CDH23: variants seen among roughly 807,000 people sequenced by gnomAD.
CDH23 encodes the protein cadherin-23.
A neutral mutation model predicts 317.1 loss-of-function variants in CDH23; 189 were observed. The ratio of observed to expected loss-of-function variants is 0.60; its 90% CI spans 0.53 to 0.67. The LOEUF is 0.67. CDH23 is among the 30% of genes least tolerant of loss of function. CDH23 has a pLI of 0.00. For synonymous variants in CDH23, 1,839 were observed against 1,876.8 expected, an observed-to-expected ratio of 0.98 and a Z score of 0.52; for missense variants, 4,401 against 4,592.4, an observed-to-expected ratio of 0.96 and a Z score of 1.20.
Position 71,677,682 on chromosome 10 carries a change from G to A in CDH23, c.1741G>A (p.Val581Met), listed in dbSNP as rs1289490678. ...GAACGAGCCTTCTGTCACACAGCTG[G>A]TGCGGCTCCGGGTAAGGTGCCAGGG... ...RENEPSVTQLVRLRATDEDSP... is the reference protein window; with the variant it reads ...RENEPSVTQLMRLRATDEDSP... The change falls in exon 16 of 70, where the codon GTG becomes ATG. Residue 581 changes from valine to methionine, a missense_variant. Physicochemically the swap from Val to Met is conservative, Grantham distance 21. Coordinates refer to ENST00000224721, the MANE Select transcript of CDH23 (RefSeq NM_022124.6). 1.3e-6 allele frequency: 2 copies of A among 1,560,220 alleles called. No homozygotes were observed. Among genetic ancestry groups the A allele is most frequent in the Non-Finnish European group, 1.7e-6 (2 of 1,152,222 alleles).
chr10:71,810,917 CTA>C (rs1390731930), intron 62 of CDH23, among the ~76,000 whole-genome samples: 1 of 151,954 alleles, frequency 6.6e-6, no homozygotes, highest in Non-Finnish European at 1.5e-5. Context: ...CTCGTCTCTA[CTA>C]AAAATACAAA....
intron 18 of CDH23, among the ~76,000 whole-genome samples, chr10:71,685,706 G>A (rs1402788728): frequency 2.6e-5 from 4 of 152,196 alleles, no homozygotes; most frequent in African/African-American, 4.8e-5. Context: ...TGGGGCAGCC[G>A]GAGAGTCTGG....
Position 71,485,895 on chromosome 10 carries a change from C to T in CDH23, c.146-24187C>T, listed in dbSNP as rs115925789. ...CTGAGATGCTCATGCCCAGCTGGCA[C>T]TTGAGAAGCCACAGAGAAGTCTGAC... On this transcript the variant is annotated intron_variant, in intron 3 of 69. Transcript: ENST00000224721. Among the ~76,000 whole-genome samples the T allele has an allele frequency of 3.4e-3, 515 of 152,354 alleles. 2 individuals carry two copies. Among genetic ancestry groups the T allele is most frequent in the South Asian group, 0.015 (74 of 4,830 alleles).
Position 71,810,800 on chromosome 10 carries a change from G to A in CDH23, c.9077+231G>A, listed in dbSNP as rs1841893552. 2.0e-5 allele frequency among the ~76,000 whole-genome samples: 3 copies of A among 152,116 alleles called. No individual in the cohort carries two copies. The South Asian group carries it at 6.2e-4, about 32-fold the overall frequency. ...CCATCTGTAACATGGGAGTATTCAG[G>A]CCATGCGCAGTGGCTCACACCTGTA... On this transcript the variant is annotated intron_variant, in intron 62 of 69. Transcript: ENST00000224721.
intron 1 of CDH23, among the ~76,000 whole-genome samples, chr10:71,432,272 ATGAGTGTGTTTGAGAGTGTGTGTGT>A (rs1849409738): frequency 2.2e-5 from 3 of 135,802 alleles, no homozygotes; most frequent in Non-Finnish European, 4.6e-5. Flanking sequence ...GTGTGTGTGC[ATGAGTGTGTTTGAGAGTGTGTGTGT>A]GAGTGTGTGA....
At chr10:71,496,561 C>T (rs555658708) in intron 3 of CDH23, among the ~76,000 whole-genome samples, 1 of 152,214 alleles carries the variant, frequency 6.6e-6, no homozygotes, top group East Asian at 1.9e-4. Flanking sequence ...CTAGTCACAA[C>T]GTTGGGAGTG....
chr10:71,604,388 C>G (rs1860409310), intron 9 of CDH23, among the ~76,000 whole-genome samples: 1 of 152,230 alleles, frequency 6.6e-6, no homozygotes, highest in South Asian at 2.1e-4. Flanking sequence ...ACATGAAGTG[C>G]TGAGCACCTC....
At position 71,799,284 on chromosome 10, in the gene CDH23, G is replaced by T; in HGVS notation, c.7224+4G>T. 1 of 1,614,010 alleles carries T rather than the reference G, an allele frequency of 6.2e-7. No homozygotes were observed. Among genetic ancestry groups the T allele is most frequent in the Non-Finnish European group, 8.5e-7 (1 of 1,179,880 alleles). ...CTTTGACCAGCCCTCCTACCAGGTG[G>T]GTGGCCAGGCCACAGGCTGGGTCCA... On this transcript the variant is annotated splice_donor_region_variant and intron_variant, in intron 51 of 69. Transcript: ENST00000224721.
chr10:71,538,500 GC>G (rs1290713221), intron 6 of CDH23, among the ~76,000 whole-genome samples: 3 of 152,062 alleles, frequency 2.0e-5, no homozygotes, highest in African/African-American at 7.3e-5. Flanking sequence ...CCATTGGCCC[GC>G]CCCAGCCAAA....
intron 14 of CDH23, among the ~76,000 whole-genome samples, chr10:71,670,896 A>C (rs1188874340): frequency 1.3e-5 from 2 of 151,928 alleles, no homozygotes; most frequent in East Asian, 3.9e-4. Flanking sequence ...ACAGAGACAC[A>C]GAAACACCAG....
chr10:71,686,946 T>C (rs1864927069), intron 18 of CDH23, among the ~76,000 whole-genome samples: 1 of 152,166 alleles, frequency 6.6e-6, no homozygotes, highest in African/African-American at 2.4e-5. Flanking sequence ...GAGGCAGAAG[T>C]TGCCCACCCT....
At chr10:71,705,191 G>A (rs1865740478) in intron 25 of CDH23, 61 bp downstream of exon 25, 1 of 1,489,146 alleles carries the variant, frequency 6.7e-7, no homozygotes, top group Non-Finnish European at 9.1e-7. Context: ...CTGGGTCAGG[G>A]GCAGGGGTAG....
chr10:71,712,436 G>A, intron 27 of CDH23: 1 of 526,290 alleles, frequency 1.9e-6, no homozygotes, highest in South Asian at 2.6e-5. Flanking sequence ...TGGGGTTGCT[G>A]TGAGGACTGA....
At chr10:71,605,510 C>T (rs896908110) in intron 9 of CDH23, among the ~76,000 whole-genome samples, 2 of 152,216 alleles carry the variant, frequency 1.3e-5, no homozygotes, top group African/African-American at 4.8e-5. Context: ...CCAAATGCCA[C>T]AGTGCTGAGT....
chr10:71,646,807 T>G (rs910207908), intron 14 of CDH23, 190 bp downstream of exon 14: 2 of 1,524,694 alleles, frequency 1.3e-6, no homozygotes, highest in Non-Finnish European at 1.8e-6. Flanking sequence ...TGACCTAGGT[T>G]GCAATATGGA....
chr10:71,499,605 G>A (rs151006359), intron 3 of CDH23, among the ~76,000 whole-genome samples: 1,586 of 150,930 alleles, frequency 0.011, 23 homozygotes, highest in African/African-American at 0.035. Flanking sequence ...TTTGGGAGGC[G>A]GAGGCAGGTG....
intron 1 of CDH23, among the ~76,000 whole-genome samples, chr10:71,420,328 C>T (rs1848695500): frequency 6.6e-6 from 1 of 151,282 alleles, no homozygotes; most frequent in African/African-American, 2.4e-5. Flanking sequence ...AGGCTTCGCT[C>T]CCAGAAGTTG....
intron 48 of CDH23, among the ~76,000 whole-genome samples, chr10:71,794,364 T>C (rs1841348230): frequency 6.6e-6 from 1 of 152,258 alleles, no homozygotes; most frequent in African/African-American, 2.4e-5. Context: ...TCTTCATATG[T>C]ATGCTGGCCA....
intron 6 of CDH23, among the ~76,000 whole-genome samples, chr10:71,511,438 T>C: frequency 6.6e-6 from 1 of 151,880 alleles, no homozygotes; most frequent in South Asian, 2.1e-4. Context: ...GGGAGCCTTG[T>C]GCTGGAGGCT....
Sources: allele counts gnomAD v4.1 joint callset (sites outside exome capture counted in the v4.1 genomes callset), GRCh38; gene constraint gnomAD v4.1.1; transcripts MANE v1.5; gene names NCBI Gene and HGNC (gene_info 2026-07-23, HGNC 2026-07-21).